SRRM3: variants seen among roughly 807,000 people sequenced by gnomAD.
The protein encoded by SRRM3 is serine/arginine repetitive matrix 3.
In SRRM3, 27 loss-of-function variants were observed where a neutral mutation model predicts 66.2. The observed-to-expected ratio is 0.41, with a 90% CI of 0.30 to 0.56. The LOEUF is 0.56. Ranked by LOEUF, SRRM3 falls within the 20% of genes least tolerant of loss-of-function variation. The pLI is 0.32. For synonymous variants in SRRM3, 391 were observed against 414.9 expected (o/e 0.94, Z 0.70); for missense variants, 918 against 991.9 (o/e 0.93, Z 1.00).
intron 1 of SRRM3, among the ~76,000 whole-genome samples, chr7:76,231,805 G>C (rs782562536): frequency 1.3e-5 from 2 of 152,228 alleles, no homozygotes; most frequent in Non-Finnish European, 2.9e-5. Context: ...AAGAGCGGAA[G>C]ATTCCCAGAG....
At chr7:76,221,146 C>G (rs1366322779) in intron 1 of SRRM3, among the ~76,000 whole-genome samples, 1 of 151,808 alleles carries the variant, frequency 6.6e-6, no homozygotes, top group Admixed American at 6.6e-5. Context: ...CAACCTCCGC[C>G]TCCTGGGTAC....
intron 3 of SRRM3, among the ~76,000 whole-genome samples, chr7:76,257,000 C>T (rs1404436194): frequency 2.6e-5 from 4 of 152,066 alleles, no homozygotes; most frequent in South Asian, 2.1e-4. Flanking sequence ...GTGAGCCACC[C>T]GCCAGGCCCT....
At chr7:76,258,386 GGGCGGAGATA>G (rs1554608039) in intron 3 of SRRM3, among the ~76,000 whole-genome samples, 1 of 152,160 alleles carries the variant, frequency 6.6e-6, no homozygotes, top group Non-Finnish European at 1.5e-5. Flanking sequence ...GGCTCGGGGA[GGGCGGAGATA>G]GGCCAGGAGG....
In SRRM3 at chr7:76,282,674, G is replaced by T; in HGVS notation, c.1397G>T (p.Arg466Leu). The T allele has an allele frequency of 1.4e-6, 2 of 1,402,964 alleles. No individual in the cohort carries two copies. Among genetic ancestry groups the T allele is most frequent in the Admixed American group, 3.1e-5 (1 of 32,620 alleles). The allele number at this position is 1,402,964 out of a possible 1,614,324, so 86.9% of individuals were successfully genotyped here. Residue 466 changes from arginine (R) to leucine (L), a missense_variant, in exon 13 of 15, where the codon CGG (arginine) becomes CTG (leucine). By Grantham distance (102) the Arg-to-Leu change is moderately radical. Transcript: ENST00000611745. ...GCCAAGGAGCGGCCCCCGCGCGCGCGGCCCGCCAGCACCTCTCCGTCCCCG... is the reference window on the plus strand; with the variant it reads ...GCCAAGGAGCGGCCCCCGCGCGCGCTGCCCGCCAGCACCTCTCCGTCCCCG... ...KRAKERPPRA[R>L]PASTSPSPGA...
intron 3 of SRRM3, among the ~76,000 whole-genome samples, chr7:76,249,721 G>A (rs868918163): frequency 2.6e-5 from 4 of 152,108 alleles, no homozygotes; most frequent in African/African-American, 4.8e-5. Flanking sequence ...CAGTTTCCCC[G>A]CCCAGCACCA....
In SRRM3 at chr7:76,260,786, C is replaced by G; in HGVS notation, c.546-88C>G. 2.3e-6 allele frequency: 3 copies of G among 1,310,758 alleles called. No homozygotes were observed. In the East Asian group the frequency reaches 7.5e-5, roughly 33 times the overall value. The allele number at this position is 1,310,758 out of a possible 1,614,324, so 81.2% of individuals were successfully genotyped here. A position where few individuals can be genotyped will look rare whatever the true frequency, so the allele number is the denominator to read the frequency against. ...CCCGAATCTCTCTGTCCACCCTCCC[C>G]TGTCCTGCGTGAGACCCTGGCAAGT... On this transcript the variant is annotated intron_variant, in intron 5 of 14. Transcript: ENST00000611745.
At chr7:76,223,218 A>G (rs1202826415) in intron 1 of SRRM3, among the ~76,000 whole-genome samples, 1 of 152,174 alleles carries the variant, frequency 6.6e-6, no homozygotes, top group East Asian at 1.9e-4. Flanking sequence ...ACCTGAATGA[A>G]TGACCCAACC....
intron 1 of SRRM3, among the ~76,000 whole-genome samples, chr7:76,222,854 G>T (rs1800761042): frequency 6.6e-6 from 1 of 151,978 alleles, no homozygotes; most frequent in Non-Finnish European, 1.5e-5. Context: ...GACCTCCAAT[G>T]ATTCTCCTGG....
At chr7:76,279,954 T>TTCTC (rs782308455) in intron 11 of SRRM3, among the ~76,000 whole-genome samples, 7 of 150,174 alleles carry the variant, frequency 4.7e-5, no homozygotes, top group Non-Finnish European at 7.4e-5. Context: ...GTGGTTGCGT[T>TTCTC]TCTCTCTCTC....
chr7:76,282,584 C>CCCCCCCCCCCCCCCCCCCA, intron 12 of SRRM3, 64 bp from the exon 13 acceptor site: 1 of 868,338 alleles, frequency 1.2e-6, no homozygotes, highest in South Asian at 2.2e-5. Context: ...CCAGGGAACC[C>CCCCCCCCCCCCCCCCCCCA]TCCCCGCCCC....
At chr7:76,212,570 G>A (rs1444424371) in intron 1 of SRRM3, among the ~76,000 whole-genome samples, 1 of 148,722 alleles carries the variant, frequency 6.7e-6, no homozygotes, top group Non-Finnish European at 1.5e-5. Context: ...CCAGGTTCAA[G>A]CGATTCTCCT....
intron 1 of SRRM3, 64 bp from the exon 2 acceptor site, chr7:76,234,964 G>C (rs1801104431): frequency 1.1e-6 from 1 of 921,604 alleles, no homozygotes; most frequent in African/African-American, 1.7e-5. Flanking sequence ...AACTCCAGCA[G>C]AGAGGAGCTT....
chr7:76,221,441 C>T (rs1800718751), intron 1 of SRRM3, among the ~76,000 whole-genome samples: 1 of 147,534 alleles, frequency 6.8e-6, no homozygotes, highest in South Asian at 2.1e-4. Context: ...CAGCTCACTG[C>T]AAGCTCTGCC....
chr7:76,285,517 C>A lies in SRRM3; in HGVS notation c.1734-98C>A. 1 of 963,000 alleles carries A rather than the reference C, an allele frequency of 1.0e-6. No homozygotes were observed. Among genetic ancestry groups the A allele is most frequent in the Non-Finnish European group, 1.6e-6 (1 of 645,030 alleles). The allele number at this position is 963,000 out of a possible 1,614,324, so 59.7% of individuals were successfully genotyped here. On this transcript the variant is annotated intron_variant, in intron 14 of 14. Transcript: ENST00000611745. The surrounding 1 kb of genome is among the most constrained non-coding windows in gnomAD (Gnocchi z 4.1). ...TTGGAGAAGGCAGGTGTCTCTAAGGCCAGGGCTCAGGGGAAACTGAGGCAG... is the reference window on the plus strand; with the variant it reads ...TTGGAGAAGGCAGGTGTCTCTAAGGACAGGGCTCAGGGGAAACTGAGGCAG...
At chr7:76,231,697 GCAAA>G (rs1554604248) in intron 1 of SRRM3, among the ~76,000 whole-genome samples, 1 of 152,238 alleles carries the variant, frequency 6.6e-6, no homozygotes, top group African/African-American at 2.4e-5. Context: ...GGAGTTACAA[GCAAA>G]CAGCCAACTG....
chr7:76,226,866 C>G (rs1554603779), intron 1 of SRRM3, among the ~76,000 whole-genome samples: 1 of 152,190 alleles, frequency 6.6e-6, no homozygotes, highest in African/African-American at 2.4e-5. Flanking sequence ...GCTGAGATTA[C>G]AGGCATAAGC....
At chr7:76,255,197 T>C (rs1235966024) in intron 3 of SRRM3, among the ~76,000 whole-genome samples, 8 of 136,740 alleles carry the variant, frequency 5.9e-5, no homozygotes, top group Non-Finnish European at 9.3e-5. Context: ...TCACCCAGGC[T>C]GGAGTGCAGT....
Position 76,281,588 on chromosome 7 carries a change from C to A in SRRM3, c.1156C>A (p.Arg386=). The change falls in exon 12 of 15, where the codon CGG becomes AGG. Residue 386 remains arginine, a synonymous_variant. Transcript: ENST00000611745. Reference sequence around the variant, plus strand: ...CCGCGCGGCGGGCGGGGCGGGCAGGCGGCGGCGGCGGCGGCGTAGGCGGCG... The same window carrying A: ...CCGCGCGGCGGGCGGGGCGGGCAGGAGGCGGCGGCGGCGGCGTAGGCGGCG... ...GGRAAGGAGR[R]RRRRRRRRRS... 1 of 966,916 alleles carries A rather than the reference C, an allele frequency of 1.0e-6. No individual in the cohort carries two copies. The allele number at this position is 966,916 out of a possible 1,614,324, so 59.9% of individuals were successfully genotyped here.
At chr7:76,215,394 GTTTTTTTTT>G (rs1170079332) in intron 1 of SRRM3, among the ~76,000 whole-genome samples, 2 of 95,112 alleles carry the variant, frequency 2.1e-5, no homozygotes, top group East Asian at 6.7e-4. Context: ...GGAGCCCGCA[GTTTTTTTTT>G]TTTTTTTTTT....
Sources: allele counts gnomAD v4.1 joint callset (sites outside exome capture counted in the v4.1 genomes callset), GRCh38; gene constraint gnomAD v4.1.1; non-coding constraint Gnocchi (gnomAD v3.1); transcripts MANE v1.5; gene names NCBI Gene and HGNC (gene_info 2026-07-23, HGNC 2026-07-21).